The following ARMC8 variants were observed in gnomAD, a reference collection of about 807,000 sequenced individuals.
ARMC8 encodes the protein armadillo repeat containing 8.
A neutral mutation model predicts 99.3 loss-of-function variants in ARMC8; 20 were observed. That is an observed-to-expected ratio of 0.20 (90% CI 0.14 to 0.29). ARMC8 has a LOEUF of 0.29. Ranked by LOEUF, ARMC8 falls within the 10% of genes least tolerant of loss-of-function variation. The probability of loss-of-function intolerance (pLI) is 1.00; values close to 1 mark genes in which losing one functional copy is unlikely to be tolerated. For synonymous variants in ARMC8, 263 were observed against 278.3 expected (o/e 0.95, Z 0.55); for missense variants, 569 against 809.5 (o/e 0.70, Z 3.60).
intron 14 of ARMC8, among the ~76,000 whole-genome samples, chr3:138,266,618 C>T (rs943644825): frequency 6.6e-6 from 1 of 152,132 alleles, no homozygotes; most frequent in African/African-American, 2.4e-5. Flanking sequence ...AATACAGGCT[C>T]AGGCTAGTTA....
At chr3:138,291,649 G>T (rs1214754698) in intron 21 of ARMC8, among the ~76,000 whole-genome samples, 1 of 152,226 alleles carries the variant, frequency 6.6e-6, no homozygotes, top group African/African-American at 2.4e-5. Flanking sequence ...AAGGAATGGA[G>T]AATCAAGAAA....
At chr3:138,187,735 G>C in intron 1 of ARMC8, 136 bp downstream of exon 1, 1 of 962,690 alleles carries the variant, frequency 1.0e-6, no homozygotes, top group Admixed American at 2.4e-5. Flanking sequence ...GCCAGGGAGT[G>C]AGCGAGGGTG....
chr3:138,264,576 C>T (rs991014898), intron 14 of ARMC8, among the ~76,000 whole-genome samples: 4 of 151,726 alleles, frequency 2.6e-5, no homozygotes, highest in Non-Finnish European at 5.9e-5. Context: ...CGCACCACCA[C>T]GCCTGGCTAA....
intron 12 of ARMC8, chr3:138,246,328 T>G: frequency 1.0e-6 from 1 of 985,538 alleles, no homozygotes; most frequent in Non-Finnish European, 1.2e-6. Flanking sequence ...GTTTTTAGTG[T>G]ATCCCTATGA....
At chr3:138,244,676 A>C (rs1425329797) in intron 11 of ARMC8, among the ~76,000 whole-genome samples, 1 of 152,238 alleles carries the variant, frequency 6.6e-6, no homozygotes, top group African/African-American at 2.4e-5. Context: ...GATTTCATTC[A>C]GGTTATCAGC....
At chr3:138,201,748 T>C (rs529086252) in intron 1 of ARMC8, among the ~76,000 whole-genome samples, 2 of 152,286 alleles carry the variant, frequency 1.3e-5, no homozygotes, top group African/African-American at 4.8e-5. Context: ...CGTGGGCCAC[T>C]GCGCCCGACC....
At chr3:138,277,786 G>A (rs985830332) in intron 18 of ARMC8, among the ~76,000 whole-genome samples, 4 of 152,074 alleles carry the variant, frequency 2.6e-5, no homozygotes, top group Admixed American at 6.6e-5. Flanking sequence ...ATTCCTAGCC[G>A]TTTACTCACA....
intron 14 of ARMC8, among the ~76,000 whole-genome samples, chr3:138,266,578 G>A (rs910533732): frequency 3.9e-5 from 6 of 152,094 alleles, no homozygotes; most frequent in African/African-American, 1.4e-4. Context: ...TATCAAGGAG[G>A]TCTTATTTTC....
At chr3:138,235,880 A>G (rs374506529) in intron 7 of ARMC8, among the ~76,000 whole-genome samples, 3 of 134,932 alleles carry the variant, frequency 2.2e-5, no homozygotes, top group East Asian at 4.2e-4. Flanking sequence ...ATCTTGGCTC[A>G]CTGCAAGCTC....
At chr3:138,281,034 G>T (rs1165590032) in intron 18 of ARMC8, among the ~76,000 whole-genome samples, 1 of 152,134 alleles carries the variant, frequency 6.6e-6, no homozygotes, top group Non-Finnish European at 1.5e-5. Flanking sequence ...TGCTGTTCTA[G>T]CCTGGAAGCA....
chr3:138,245,442 T>C lies in ARMC8; in HGVS notation c.1134+259T>C. 2.2e-6 allele frequency: 3 copies of C among 1,368,372 alleles called. 1 individual carries two copies. The East Asian group carries it at 7.9e-5, about 36-fold the overall frequency. The allele number at this position is 1,368,372 out of a possible 1,614,324, so 84.8% of individuals were successfully genotyped here. Reference sequence around the variant, plus strand: ...TTTTTTGTGTCATTAATATGAATTATTATGTTGCACATTTTTGCATGTGTT... The same window carrying C: ...TTTTTTGTGTCATTAATATGAATTACTATGTTGCACATTTTTGCATGTGTT... On this transcript the variant is annotated intron_variant, in intron 12 of 21. Coordinates refer to ENST00000469044, the MANE Select transcript of ARMC8 (RefSeq NM_001363941.2).
chr3:138,221,834 A>G lies in ARMC8; in HGVS notation c.123-92A>G, dbSNP rs375456402. The stretch of plus-strand genomic sequence containing the variant: ...AAAGGTTAGTGCTTTTACTTTGTCA[A>G]ATCTAAGATATTGCATAATGAAGTA... On this transcript the variant is annotated intron_variant, in intron 2 of 21. Coordinates refer to ENST00000469044, the MANE Select transcript of ARMC8 (RefSeq NM_001363941.2). The G allele has an allele frequency of 4.9e-5, 49 of 1,008,218 alleles. No homozygotes were observed. The East Asian group carries it at 9.0e-4, about 19-fold the overall frequency. 62.5% of individuals were successfully genotyped at this position (1,008,218 alleles called of 1,614,324 possible). A position where few individuals can be genotyped will look rare whatever the true frequency, so the allele number is the denominator to read the frequency against.
Position 138,275,267 on chromosome 3 carries a change from C to A in ARMC8, c.1725+723C>A, listed in dbSNP as rs148468937. On this transcript the variant is annotated intron_variant, in intron 18 of 21. Coordinates refer to ENST00000469044, the MANE Select transcript of ARMC8 (RefSeq NM_001363941.2). ...CATGGTTATGTTCTCTTTCAAAATT[C>A]ATTAAGCTGGACGGGTACAGTGGCT... Among the ~76,000 whole-genome samples, 832 of 152,214 alleles carry A rather than the reference C, an allele frequency of 5.5e-3. 5 individuals are homozygous for A. Among genetic ancestry groups the A allele is most frequent in the African/African-American group, 0.019 (778 of 41,534 alleles).
At chr3:138,211,062 C>G (rs1239376776) in intron 2 of ARMC8, among the ~76,000 whole-genome samples, 1 of 152,096 alleles carries the variant, frequency 6.6e-6, no homozygotes, top group Admixed American at 6.6e-5. Flanking sequence ...TATTTAATCA[C>G]TCCTTTTTAG....
chr3:138,266,333 C>G (rs2048284600), intron 14 of ARMC8, among the ~76,000 whole-genome samples: 1 of 152,126 alleles, frequency 6.6e-6, no homozygotes, highest in Non-Finnish European at 1.5e-5. Context: ...TTGGAACACA[C>G]TTGCTTATGG....
intron 5 of ARMC8, among the ~76,000 whole-genome samples, chr3:138,224,689 G>A (rs2045591146): frequency 6.6e-6 from 1 of 152,178 alleles, no homozygotes; most frequent in Non-Finnish European, 1.5e-5. Context: ...AGGAGACGTT[G>A]CAGTGATCTG....
intron 12 of ARMC8, among the ~76,000 whole-genome samples, chr3:138,247,716 C>T (rs2046947499): frequency 6.6e-6 from 1 of 152,162 alleles, no homozygotes; most frequent in African/African-American, 2.4e-5. Flanking sequence ...TTTACTGCTT[C>T]TAAAGACTTC....
intron 21 of ARMC8, among the ~76,000 whole-genome samples, chr3:138,292,230 G>C (rs1167477722): frequency 6.6e-6 from 1 of 152,052 alleles, no homozygotes; most frequent in Non-Finnish European, 1.5e-5. Flanking sequence ...AGTAGAGACA[G>C]GGTTTTACCA....
In ARMC8 at chr3:138,289,102, A is replaced by G. The variant is rs2050704703; in HGVS notation, c.1876A>G (p.Ile626Val). Residue 626 changes from isoleucine to valine, a missense_variant, in exon 20 of 22, where the codon ATA (isoleucine) becomes GTA (valine). By Grantham distance (29) the Ile-to-Val change is conservative (BLOSUM62 3). Transcript: ENST00000469044. The stretch of plus-strand genomic sequence containing the variant: ...AGCCATGTTTTGTATATCAAACCTC[A>G]TATGGAATGAAGAGGAAGGTAAGAG... ...LAAMFCISNL[I>V]WNEEEGSQER... 1.2e-6 allele frequency: 2 copies of G among 1,612,934 alleles called. No individual in the cohort carries two copies. The highest frequency in any genetic ancestry group is 3.3e-5 in the Admixed American group (2 of 59,982).
Sources: gnomAD v4.1 joint callset for allele counts (sites outside exome capture counted in the v4.1 genomes callset) on GRCh38, gnomAD v4.1.1 for gene constraint, MANE v1.5 for transcripts, NCBI Gene and HGNC (gene_info 2026-07-23, HGNC 2026-07-21) for gene names.